Variants in OSBPL1A observed in about 807,000 individuals in gnomAD.
OSBPL1A encodes oxysterol-binding protein-related protein 1.
A neutral mutation model predicts 137.1 loss-of-function variants in OSBPL1A; 80 were observed. The observed-to-expected ratio is 0.58, with a 90% CI of 0.49 to 0.70. The LOEUF is 0.70. Ranked by LOEUF, OSBPL1A falls within the 30% of genes least tolerant of loss-of-function variation. The pLI, the probability that OSBPL1A is intolerant of heterozygous loss-of-function variation, is 0.00. For missense variants in OSBPL1A, 970 were observed against 1,129.4 expected (o/e 0.86, Z 2.02); for synonymous variants, 365 against 389.7 (o/e 0.94, Z 0.75).
intron 18 of OSBPL1A, among the ~76,000 whole-genome samples, chr18:24,183,151 C>T (rs1055652627): frequency 6.6e-6 from 1 of 152,090 alleles, no homozygotes; most frequent in Non-Finnish European, 1.5e-5. Context: ...GCTGCGATTA[C>T]AGGTGTGAGC....
At chr18:24,323,539 C>CTTTTTTTTTT (rs763234169) in intron 7 of OSBPL1A, among the ~76,000 whole-genome samples, 3 of 35,146 alleles carry the variant, frequency 8.5e-5, no homozygotes, top group Non-Finnish European at 1.5e-4. Flanking sequence ...GAGGCTTTTT[C>CTTTTTTTTTT]TTTTTTTTTT....
At chr18:24,388,468 T>G (rs908524893) in intron 1 of OSBPL1A, among the ~76,000 whole-genome samples, 1 of 152,046 alleles carries the variant, frequency 6.6e-6, no homozygotes, top group Admixed American at 6.6e-5. Flanking sequence ...TTAACAGTTT[T>G]TTTTTTCTAA....
chr18:24,253,640 T>C (rs958168038), intron 15 of OSBPL1A, among the ~76,000 whole-genome samples: 1 of 151,958 alleles, frequency 6.6e-6, no homozygotes, highest in Non-Finnish European at 1.5e-5. Flanking sequence ...AAGTGGGGAG[T>C]GCTGACTGGT....
At chr18:24,195,177 T>C (rs758159373) in intron 18 of OSBPL1A, among the ~76,000 whole-genome samples, 12 of 152,000 alleles carry the variant, frequency 7.9e-5, no homozygotes, top group Non-Finnish European at 1.5e-4. Context: ...ACGACGCGCC[T>C]GTGGTCCCAG....
chr18:24,172,698 A>C (rs373539503), intron 21 of OSBPL1A, among the ~76,000 whole-genome samples: 8 of 152,220 alleles, frequency 5.3e-5, no homozygotes, highest in African/African-American at 1.9e-4. Context: ...AGCTTAAGAA[A>C]AAATTCTATA....
At chr18:24,374,467 T>G (rs374856929) in intron 2 of OSBPL1A, among the ~76,000 whole-genome samples, 1 of 152,060 alleles carries the variant, frequency 6.6e-6, no homozygotes, top group African/African-American at 2.4e-5. Context: ...TGAGGAGACA[T>G]AGAGAACAGG....
chr18:24,202,920 T>G (rs1371901827), intron 17 of OSBPL1A, among the ~76,000 whole-genome samples: 1 of 152,250 alleles, frequency 6.6e-6, no homozygotes, highest in Admixed American at 6.5e-5. Flanking sequence ...TGCCAAATGG[T>G]AGTAAATACA....
intron 15 of OSBPL1A, among the ~76,000 whole-genome samples, chr18:24,259,536 T>C (rs2089387080): frequency 6.6e-6 from 1 of 152,192 alleles, no homozygotes; most frequent in Non-Finnish European, 1.5e-5. Context: ...CCCCTTTTTC[T>C]GCCCCTTCCT....
intron 15 of OSBPL1A, among the ~76,000 whole-genome samples, chr18:24,246,561 T>G (rs1015262775): frequency 6.6e-5 from 10 of 151,506 alleles, no homozygotes; most frequent in African/African-American, 2.4e-4. Flanking sequence ...CAGGCAGAGG[T>G]GGGCGGATCA....
At chr18:24,309,996 A>G (rs7228075) in intron 13 of OSBPL1A, among the ~76,000 whole-genome samples, 82,176 of 148,184 alleles carry the variant, frequency 0.55, 23,786 homozygotes, top group Middle Eastern at 0.64. Flanking sequence ...GCAGGGAGCC[A>G]TGATCGCATC....
chr18:24,276,942 T>TA (rs1357409897), intron 15 of OSBPL1A, among the ~76,000 whole-genome samples: 3 of 152,228 alleles, frequency 2.0e-5, no homozygotes, highest in African/African-American at 7.2e-5. Context: ...AGAGCCAGTT[T>TA]ACTCTGACTG....
chr18:24,188,554 T>C lies in OSBPL1A; in HGVS notation c.1678-7275A>G, dbSNP rs555460048. Among the ~76,000 whole-genome samples the C allele has an allele frequency of 2.6e-5, 4 of 152,354 alleles. 1 individual carries two copies. Among genetic ancestry groups the C allele is most frequent in the African/African-American group, 9.6e-5 (4 of 41,588 alleles). ...AATTTAAACAGCTTTCCATTTCTTT[T>C]AGTAACTCAGAATGAACGCATTCAA... On this transcript the variant is annotated intron_variant, in intron 18 of 27. Transcript: ENST00000319481.
chr18:24,321,121 A>T (rs2090844918), intron 7 of OSBPL1A, among the ~76,000 whole-genome samples: 1 of 152,092 alleles, frequency 6.6e-6, no homozygotes, highest in Non-Finnish European at 1.5e-5. Context: ...AATTACTAGA[A>T]TATTATTAAT....
chr18:24,243,678 G>C (rs1372142021), intron 15 of OSBPL1A, among the ~76,000 whole-genome samples: 1 of 152,134 alleles, frequency 6.6e-6, no homozygotes, highest in Non-Finnish European at 1.5e-5. Flanking sequence ...ACAGTAAAAG[G>C]GGTTGGAAAC....
At chr18:24,258,998 C>T (rs2089368923) in intron 15 of OSBPL1A, among the ~76,000 whole-genome samples, 1 of 133,112 alleles carries the variant, frequency 7.5e-6, no homozygotes, top group Admixed American at 8.7e-5. Flanking sequence ...AGTGCAGTGG[C>T]AGGATCTCGG....
intron 2 of OSBPL1A, among the ~76,000 whole-genome samples, chr18:24,374,964 C>T (rs1480549896): frequency 1.3e-5 from 2 of 152,086 alleles, no homozygotes; most frequent in Admixed American, 6.6e-5. Context: ...TACACTCAAA[C>T]ACCAAGCTAG....
At chr18:24,325,449 C>T (rs1338908663) in intron 7 of OSBPL1A, among the ~76,000 whole-genome samples, 8 of 152,342 alleles carry the variant, frequency 5.3e-5, no homozygotes, top group African/African-American at 1.9e-4. Context: ...ACTGGCTTTC[C>T]ATTTTCCTTG....
At chr18:24,263,165 T>C (rs1292611195) in intron 15 of OSBPL1A, among the ~76,000 whole-genome samples, 1 of 152,234 alleles carries the variant, frequency 6.6e-6, no homozygotes, top group Non-Finnish European at 1.5e-5. Context: ...GTTCTCAAAC[T>C]GAGGTAAAAA....
At chr18:24,397,094 C>T (rs1907798199) in intron 1 of OSBPL1A, among the ~76,000 whole-genome samples, 1 of 152,184 alleles carries the variant, frequency 6.6e-6, no homozygotes, top group Non-Finnish European at 1.5e-5. Flanking sequence ...TTTTCAATGC[C>T]TCCTGCCAAT....
Sources: allele counts gnomAD v4.1 joint callset (sites outside exome capture counted in the v4.1 genomes callset), GRCh38; gene constraint gnomAD v4.1.1; transcripts MANE v1.5; gene names NCBI Gene and HGNC (gene_info 2026-07-23, HGNC 2026-07-21).